LRRC58: variants seen among roughly 807,000 people sequenced by gnomAD.
The protein encoded by LRRC58 is leucine rich repeat containing 58, also known as leucine-rich repeat-containing protein 58.
In LRRC58, 18 loss-of-function variants were observed where a neutral mutation model predicts 30.6. The ratio of observed to expected loss-of-function variants is 0.59; its 90% CI spans 0.41 to 0.87. The LOEUF (loss-of-function observed/expected upper bound fraction) is 0.87, where lower values mean the gene tolerates loss of function less well. Ranked by LOEUF, LRRC58 falls within the 40% of genes least tolerant of loss-of-function variation. LRRC58 has a pLI of 0.00. For synonymous variants in LRRC58, 221 were observed against 206.0 expected (o/e 1.07, Z -0.62); for missense variants, 420 against 468.4 (o/e 0.90, Z 0.95).
Position 120,335,967 on chromosome 3 carries a change from T to G in LRRC58, c.501-14A>C, listed in dbSNP as rs1049076168. The G allele has an allele frequency of 1.3e-5, 20 of 1,537,160 alleles. No individual in the cohort carries two copies. The highest frequency in any genetic ancestry group is 1.8e-5 in the Non-Finnish European group (20 of 1,122,484). ...AAACACTCTAAACTGCAAAAATAAA[T>G]GAACAAAACCAAAAAAGTAAATAAA... On this transcript the variant is annotated splice_polypyrimidine_tract_variant and intron_variant, in intron 1 of 3. Transcript: ENST00000295628.
intron 1 of LRRC58, among the ~76,000 whole-genome samples, chr3:120,338,019 T>C (rs1291149567): frequency 6.6e-6 from 1 of 152,102 alleles, no homozygotes; most frequent in Non-Finnish European, 1.5e-5. Context: ...ATTTTTGTAT[T>C]TTTAGTAGAG....
Position 120,334,858 on chromosome 3 carries a change from T to A in LRRC58, c.907+4A>T. 1 of 1,609,270 alleles carries A rather than the reference T, an allele frequency of 6.2e-7. No individual in the cohort carries two copies. Among genetic ancestry groups the A allele is most frequent in the Non-Finnish European group, 8.5e-7 (1 of 1,177,516 alleles). ...TGGGAAACATGAATACTGAATTAAC[T>A]TACCTCCACACTTTGGGTTTGGGCA... On this transcript the variant is annotated splice_donor_region_variant and intron_variant, in intron 3 of 3. Transcript: ENST00000295628.
intron 1 of LRRC58, among the ~76,000 whole-genome samples, chr3:120,337,861 C>T (rs1360910686): frequency 6.6e-6 from 1 of 151,444 alleles, no homozygotes; most frequent in Non-Finnish European, 1.5e-5. Context: ...TTTTTTGAGA[C>T]AGACTCTTAC....
Position 120,326,469 on chromosome 3 carries a change from C to T in LRRC58, c.*4731G>A, listed in dbSNP as rs976396270. On this transcript the variant is annotated 3_prime_UTR_variant, in exon 4 of 4. Transcript: ENST00000295628. ...CTGGCGTGAGCCACCATGCCTGGCC[C>T]AAAATTGTACACTATTAAATTCATT... is the stretch of plus-strand genomic sequence containing the variant. The T allele has an allele frequency of 2.6e-5, 4 of 151,968 alleles. No homozygotes were observed. Among genetic ancestry groups the T allele is most frequent in the African/African-American group, 7.3e-5 (3 of 41,374 alleles). 9.4% of individuals were successfully genotyped at this position (151,968 alleles called of 1,614,324 possible). A position where few individuals can be genotyped will look rare whatever the true frequency, so the allele number is the denominator to read the frequency against.
intron 1 of LRRC58, among the ~76,000 whole-genome samples, chr3:120,340,353 T>G (rs373701131): frequency 5.3e-5 from 8 of 152,362 alleles, no homozygotes; most frequent in Middle Eastern, 3.4e-3. Context: ...CATCTTTTCA[T>G]TTCTAGAAAC....
rs1214691246 is a variant in LRRC58, at chr3:120,327,753, T to G, written c.*3447A>C. 1 of 101,710 alleles carries G rather than the reference T, an allele frequency of 9.8e-6. No individual in the cohort carries two copies. Among genetic ancestry groups the G allele is most frequent in the Non-Finnish European group, 1.8e-5 (1 of 54,796 alleles). The allele number at this position is 101,710 out of a possible 1,614,324, so 6.3% of individuals were successfully genotyped here. A position where few individuals can be genotyped will look rare whatever the true frequency, so the allele number is the denominator to read the frequency against. On this transcript the variant is annotated 3_prime_UTR_variant, in exon 4 of 4. Transcript: ENST00000295628. Reference sequence around the variant, plus strand: ...AATGCAAATTTTTTTGTTTGTTTTTTGTTTGTTTGTTTGAGACACAGTCTC... The same window carrying G: ...AATGCAAATTTTTTTGTTTGTTTTTGGTTTGTTTGTTTGAGACACAGTCTC...
chr3:120,336,010 A>C, intron 1 of LRRC58, 57 bp from the exon 2 acceptor site: 1 of 1,270,954 alleles, frequency 7.9e-7, no homozygotes, highest in Non-Finnish European at 1.1e-6. Flanking sequence ...AAGATACCCC[A>C]TTGTGTCTAC....
intron 1 of LRRC58, among the ~76,000 whole-genome samples, chr3:120,339,923 G>A (rs1935883601): frequency 6.6e-6 from 1 of 151,980 alleles, no homozygotes; most frequent in Admixed American, 6.6e-5. Flanking sequence ...GAGTGCAGTG[G>A]CACGATCTCG....
At chr3:120,345,402 C>T (rs560260288) in intron 1 of LRRC58, among the ~76,000 whole-genome samples, 80 of 152,274 alleles carry the variant, frequency 5.3e-4, no homozygotes, top group African/African-American at 1.9e-3. Context: ...CAATATAAAT[C>T]AGGGTAACCA....
At chr3:120,342,760 G>A (rs1165623499) in intron 1 of LRRC58, among the ~76,000 whole-genome samples, 2 of 152,340 alleles carry the variant, frequency 1.3e-5, no homozygotes, top group Non-Finnish European at 1.5e-5. Context: ...GGCCACAGAG[G>A]TTTCCAGTCA....
rs1935708703 is a variant in LRRC58, at chr3:120,328,236, C to T, written c.*2964G>A. ...GCTGGTCCTTAATGTCAGCCAATCC[C>T]TGGCACCCTGGAATCAATGTATCAT... On this transcript the variant is annotated 3_prime_UTR_variant, in exon 4 of 4. Coordinates refer to ENST00000295628, the MANE Select transcript of LRRC58 (RefSeq NM_001099678.2). The T allele has an allele frequency of 6.6e-6, 1 of 152,218 alleles. No homozygotes were observed. Among genetic ancestry groups the T allele is most frequent in the Admixed American group, 6.5e-5 (1 of 15,286 alleles). 9.4% of individuals were successfully genotyped at this position (152,218 alleles called of 1,614,324 possible).
Position 120,330,173 on chromosome 3 carries a change from A to G in LRRC58, c.*1027T>C, listed in dbSNP as rs1161055709. 1 of 152,076 alleles carries G rather than the reference A, an allele frequency of 6.6e-6. No individual in the cohort carries two copies. The highest frequency in any genetic ancestry group is 1.5e-5 in the Non-Finnish European group (1 of 67,964). The allele number at this position is 152,076 out of a possible 1,614,324, so 9.4% of individuals were successfully genotyped here. A position where few individuals can be genotyped will look rare whatever the true frequency, so the allele number is the denominator to read the frequency against. On this transcript the variant is annotated 3_prime_UTR_variant, in exon 4 of 4. Coordinates refer to ENST00000295628, the MANE Select transcript of LRRC58 (RefSeq NM_001099678.2). ...CCAGTACATGACATGGGTGAGAGTC[A>G]TATTTTTTCCCTACCCATTTAATGC...
Position 120,331,240 on chromosome 3 carries a change from C to T in LRRC58, c.1076G>A (p.Ser359Asn), listed in dbSNP as rs1271301339. The T allele has an allele frequency of 1.1e-5, 17 of 1,614,020 alleles. No individual in the cohort carries two copies. The highest frequency in any genetic ancestry group is 3.3e-5 in the Admixed American group (2 of 60,038). Reference protein sequence around the residue: ...QSESDSEDEASVAARRMQKVL... With the variant: ...QSESDSEDEANVAARRMQKVL... Reference sequence around the variant, plus strand: ...TTTCTGCATTCTGCGTGCAGCAACACTAGCTTCATCTTCTGAGTCAGATTC... The same window carrying T: ...TTTCTGCATTCTGCGTGCAGCAACATTAGCTTCATCTTCTGAGTCAGATTC... The change falls in exon 4 of 4, where the codon AGT (serine) becomes AAT (asparagine). Residue 359 changes from serine to asparagine, a missense_variant. Transcript: ENST00000295628.
At chr3:120,347,379 C>CTTTTTTTTTGTTTTTTTTTT (rs1935982691) in intron 1 of LRRC58, among the ~76,000 whole-genome samples, 1 of 54,828 alleles carries the variant, frequency 1.8e-5, no homozygotes, top group Non-Finnish European at 3.5e-5. Flanking sequence ...GGCCAATATT[C>CTTTTTTTTTGTTTTTTTTTT]TTTTTTTTTT....
chr3:120,328,875 G>A lies in LRRC58; in HGVS notation c.*2325C>T, dbSNP rs1008983277. ...AAGACAGTTGTATGCTGATCATAGA[G>A]TTTTCAACTATACATAGAACCATAA... is the stretch of plus-strand genomic sequence containing the variant. On this transcript the variant is annotated 3_prime_UTR_variant, in exon 4 of 4. Coordinates refer to ENST00000295628, the MANE Select transcript of LRRC58 (RefSeq NM_001099678.2). 6.6e-6 allele frequency: 1 copy of A among 152,138 alleles called. No homozygotes were observed. The highest frequency in any genetic ancestry group is 1.5e-5 in the Non-Finnish European group (1 of 68,000). The allele number at this position is 152,138 out of a possible 1,614,324, so 9.4% of individuals were successfully genotyped here.
chr3:120,332,493 A>C (rs1935771321), intron 3 of LRRC58, among the ~76,000 whole-genome samples: 1 of 152,184 alleles, frequency 6.6e-6, no homozygotes, highest in Non-Finnish European at 1.5e-5. Context: ...GGTCAGTCAT[A>C]GACCGATAAT....
At chr3:120,340,286 T>C (rs946145915) in intron 1 of LRRC58, among the ~76,000 whole-genome samples, 2 of 152,224 alleles carry the variant, frequency 1.3e-5, no homozygotes, top group Non-Finnish European at 1.5e-5. Context: ...AGCTTATGGA[T>C]TCATTCTTCA....
chr3:120,349,046 G>A lies in LRRC58; in HGVS notation c.198C>T (p.Gly66=). The change falls in exon 1 of 4, where the codon GGC becomes GGT. Residue 66 remains glycine (G), a synonymous_variant. Coordinates refer to ENST00000295628, the MANE Select transcript of LRRC58 (RefSeq NM_001099678.2). The part of the protein sequence containing the change: ...LVSLPRALGS[G]FPHLQLLDVS... ...CGTCCAGCAGCTGGAGGTGCGGGAA[G>A]CCGCTGCCCAGCGCCCGTGGCAGCG... The A allele has an allele frequency of 1.3e-6, 2 of 1,518,006 alleles. No homozygotes were observed. The highest frequency in any genetic ancestry group is 1.8e-4 in the Middle Eastern group (1 of 5,710). The allele number at this position is 1,518,006 out of a possible 1,614,324, so 94.0% of individuals were successfully genotyped here.
At position 120,327,278 on chromosome 3, in the gene LRRC58, G is replaced by A. The variant is rs1343797031; in HGVS notation, c.*3922C>T. 1 of 110,540 alleles carries A rather than the reference G, an allele frequency of 9.0e-6. No individual in the cohort carries two copies. Among genetic ancestry groups the A allele is most frequent in the African/African-American group, 3.8e-5 (1 of 26,064 alleles). The allele number at this position is 110,540 out of a possible 1,614,324, so 6.8% of individuals were successfully genotyped here. A position where few individuals can be genotyped will look rare whatever the true frequency, so the allele number is the denominator to read the frequency against. On this transcript the variant is annotated 3_prime_UTR_variant, in exon 4 of 4. Transcript: ENST00000295628. The stretch of plus-strand genomic sequence containing the variant: ...TTTTTTTTTTTTTTTTTGAGACGGA[G>A]TCTCGCTCTGTGGCCCAGGCGGGAG...
Sources: gnomAD v4.1 joint callset for allele counts (sites outside exome capture counted in the v4.1 genomes callset) on GRCh38, gnomAD v4.1.1 for gene constraint, MANE v1.5 for transcripts, NCBI Gene and HGNC (gene_info 2026-07-23, HGNC 2026-07-21) for gene names.